ZNF567: variants seen among roughly 807,000 people sequenced by gnomAD.
The protein encoded by ZNF567 is zinc finger protein 567.
A neutral mutation model predicts 53.9 loss-of-function variants in ZNF567; 36 were observed. That is an observed-to-expected ratio of 0.67 (90% CI 0.51 to 0.88). The LOEUF (loss-of-function observed/expected upper bound fraction) is 0.88. ZNF567 is among the 40% of genes least tolerant of loss of function. The pLI, the probability that ZNF567 is intolerant of heterozygous loss-of-function variation, is 0.00. For missense variants in ZNF567, 619 were observed against 764.7 expected (o/e 0.81, Z 2.25); for synonymous variants, 224 against 260.4 (o/e 0.86, Z 1.35).
chr19:36,698,868 G>A (rs534246584), intron 3 of ZNF567, among the ~76,000 whole-genome samples: 2 of 152,172 alleles, frequency 1.3e-5, no homozygotes, highest in South Asian at 2.1e-4. Flanking sequence ...CCATTTTGTA[G>A]GTTGCCTGTT....
At chr19:36,721,618 G>A (rs1265568956), downstream of ZNF567, among the ~76,000 whole-genome samples, 6 of 151,892 alleles carry the variant, frequency 4.0e-5, no homozygotes, top group Non-Finnish European at 8.8e-5. Context: ...GATTTTAGGG[G>A]TACTTTAGCC....
intron 5 of ZNF567, among the ~76,000 whole-genome samples, 190 bp from the exon 6 acceptor site, chr19:36,718,758 T>C (rs2145910004): frequency 1.3e-5 from 2 of 152,300 alleles, no homozygotes; most frequent in Middle Eastern, 3.4e-3. Flanking sequence ...TTAATGTTTA[T>C]TGTTTACATC....
At chr19:36,693,760 A>G (rs555484861) in intron 2 of ZNF567, among the ~76,000 whole-genome samples, 2 of 152,376 alleles carry the variant, frequency 1.3e-5, no homozygotes, top group African/African-American at 4.8e-5. Context: ...TATGAAGGAC[A>G]TAAAATATGT....
intron 3 of ZNF567, chr19:36,711,373 G>A (rs1239794378): frequency 6.6e-6 from 1 of 152,154 alleles, no homozygotes; most frequent in Non-Finnish European, 1.5e-5. Context: ...GAAGTAAGTG[G>A]TGGTTTTATG....
At chr19:36,718,719 A>C (rs1055296430) in intron 5 of ZNF567, among the ~76,000 whole-genome samples, 2 of 152,058 alleles carry the variant, frequency 1.3e-5, no homozygotes, top group African/African-American at 2.4e-5. Context: ...ACTTTCTCTA[A>C]GAAGTTTTAG....
the ZNF567 span, among the ~76,000 whole-genome samples, chr19:36,679,052 C>T: frequency 9.9e-5 from 15 of 152,090 alleles, no homozygotes; most frequent in Admixed American, 3.3e-4. Context: ...TTTGGGAGGC[C>T]GAGCTGGGCA....
chr19:36,723,640 A>G (rs1390234698), downstream of ZNF567, among the ~76,000 whole-genome samples: 2 of 152,122 alleles, frequency 1.3e-5, no homozygotes, highest in Non-Finnish European at 2.9e-5. Context: ...GTTTGAGACC[A>G]GCCTGGCCAA....
upstream of ZNF567, among the ~76,000 whole-genome samples, chr19:36,686,250 G>T (rs527913128): frequency 8.5e-5 from 13 of 152,120 alleles, no homozygotes; most frequent in Admixed American, 2.6e-4. Flanking sequence ...CCTTGACCTT[G>T]GTTTTCAGAT....
chr19:36,720,847 A>T lies in ZNF567; in HGVS notation c.*179A>T, dbSNP rs1408041801. On this transcript the variant is annotated 3_prime_UTR_variant, in exon 6 of 6. Transcript: ENST00000682579. Reference sequence around the variant, plus strand: ...ATATAAAATAAGTATGATCATTATTATTGAACTCTATCAGCTATGAAGCTA... The same window carrying T: ...ATATAAAATAAGTATGATCATTATTTTTGAACTCTATCAGCTATGAAGCTA... 2 of 491,664 alleles carry T rather than the reference A, an allele frequency of 4.1e-6. No homozygotes were observed. Among genetic ancestry groups the T allele is most frequent in the Non-Finnish European group, 6.5e-6 (2 of 305,694 alleles). 30.5% of individuals were successfully genotyped at this position (491,664 alleles called of 1,614,324 possible). A position where few individuals can be genotyped will look rare whatever the true frequency, so the allele number is the denominator to read the frequency against.
intron 4 of ZNF567, 58 bp from the exon 5 acceptor site, chr19:36,712,723 C>G: frequency 6.5e-7 from 1 of 1,535,330 alleles, no homozygotes; most frequent in Non-Finnish European, 9.0e-7. Flanking sequence ...ATGCCCCTTT[C>G]CTCATTTTTC....
chr19:36,727,212 C>G (rs1407405932), downstream of ZNF567: 1 of 151,182 alleles, frequency 6.6e-6, no homozygotes, highest in Non-Finnish European at 1.5e-5. Context: ...GCTGGGATTA[C>G]AGGTACGTGC....
rs1156735903 is a variant in ZNF567, at chr19:36,694,826, C to T, written c.-42C>T. 1 of 1,515,764 alleles carries T rather than the reference C, an allele frequency of 6.6e-7. No individual in the cohort carries two copies. The highest frequency in any genetic ancestry group is 8.8e-7 in the Non-Finnish European group (1 of 1,141,166). The allele number at this position is 1,515,764 out of a possible 1,614,324, so 93.9% of individuals were successfully genotyped here. ...GGAACTGCCTCTTTTCTAAAGAGGA[C>T]TCCAAAGGAAGGACTGGTCATCTCT... On this transcript the variant is annotated 5_prime_UTR_variant, in exon 3 of 6. Transcript: ENST00000682579.
chr19:36,726,982 T>TTCTTTCTC (rs375360156), downstream of ZNF567: 5 of 55,386 alleles, frequency 9.0e-5, no homozygotes, highest in African/African-American at 3.4e-4. Context: ...CTTTCTTTCT[T>TTCTTTCTC]TTTCTTTCTT....
chr19:36,696,510 A>G (rs973132458), intron 3 of ZNF567, among the ~76,000 whole-genome samples: 1 of 151,750 alleles, frequency 6.6e-6, no homozygotes, highest in African/African-American at 2.4e-5. Flanking sequence ...TGCCCATCCT[A>G]TCCTTTTGTT....
At chr19:36,670,872 C>T in the ZNF567 span, among the ~76,000 whole-genome samples, 1 of 152,144 alleles carries the variant, frequency 6.6e-6, no homozygotes, top group Non-Finnish European at 1.5e-5. Context: ...GAGGCCAAGG[C>T]ATGTGGATCA....
Position 36,694,808 on chromosome 19 carries a change from C to T in ZNF567, c.-60C>T. The stretch of plus-strand genomic sequence containing the variant: ...CTCGGCTTTGCCTCCTTAGGAACTG[C>T]CTCTTTTCTAAAGAGGACTCCAAAG... On this transcript the variant is annotated 5_prime_UTR_variant, in exon 3 of 6. Transcript: ENST00000682579. 6.7e-7 allele frequency: 1 copy of T among 1,490,442 alleles called. No individual in the cohort carries two copies. Among genetic ancestry groups the T allele is most frequent in the South Asian group, 1.3e-5 (1 of 77,214 alleles). 92.3% of individuals were successfully genotyped at this position (1,490,442 alleles called of 1,614,324 possible). A position where few individuals can be genotyped will look rare whatever the true frequency, so the allele number is the denominator to read the frequency against.
chr19:36,689,237 G>GT (rs1491335593), intron 1 of ZNF567, among the ~76,000 whole-genome samples, 160 bp from the exon 2 acceptor site: 1 of 9,562 alleles, frequency 1.0e-4, no homozygotes, highest in African/African-American at 5.7e-4. Context: ...CTATTTGAGA[G>GT]TGTGTGTGTG....
chr19:36,723,277 C>T, downstream of ZNF567: 1 of 701,230 alleles, frequency 1.4e-6, no homozygotes, highest in Non-Finnish European at 2.6e-6. Flanking sequence ...CTGGGACATT[C>T]TACTCCCCTT....
downstream of ZNF567, among the ~76,000 whole-genome samples, chr19:36,724,969 T>C (rs1313841718): frequency 6.6e-6 from 1 of 152,146 alleles, no homozygotes; most frequent in Non-Finnish European, 1.5e-5. Context: ...ATTGAGATTT[T>C]GATTTGTGTT....
Sources: gnomAD v4.1 joint callset for allele counts (sites outside exome capture counted in the v4.1 genomes callset) on GRCh38, gnomAD v4.1.1 for gene constraint, MANE v1.5 for transcripts, NCBI Gene and HGNC (gene_info 2026-07-23, HGNC 2026-07-21) for gene names.